The following PIK3R3 variants were observed in gnomAD, a reference collection of about 807,000 sequenced individuals.
PIK3R3 encodes the protein phosphoinositide-3-kinase regulatory subunit 3, also known as phosphatidylinositol 3-kinase regulatory subunit gamma.
Under a neutral mutation model 62.9 loss-of-function variants are expected in PIK3R3, and 64 were observed. That is an observed-to-expected ratio of 1.02 (90% CI 0.83 to 1.25). The LOEUF (loss-of-function observed/expected upper bound fraction) is 1.25, where lower values mean the gene tolerates loss of function less well. Among genes scored for constraint, PIK3R3 ranks in the 50% most tolerant of loss-of-function variants. The pLI is 0.00. For missense variants in PIK3R3, 614 were observed against 561.6 expected (o/e 1.09, Z -0.94); for synonymous variants, 165 against 189.0 (o/e 0.87, Z 1.04).
At chr1:46,150,138 C>A in the PIK3R3 span, among the ~76,000 whole-genome samples, 1 of 152,168 alleles carries the variant, frequency 6.6e-6, no homozygotes, top group Non-Finnish European at 1.5e-5. Context: ...ATTCCTGAAA[C>A]CCCCATCCCT....
At chr1:46,071,387 G>A (rs531543828) in intron 3 of PIK3R3, among the ~76,000 whole-genome samples, 4 of 151,722 alleles carry the variant, frequency 2.6e-5, no homozygotes, top group Admixed American at 6.6e-5. Flanking sequence ...TTTACCTTGC[G>A]GTTCTGGAGC....
intron 1 of PIK3R3, among the ~76,000 whole-genome samples, chr1:46,087,487 C>T (rs945403016): frequency 1.3e-5 from 2 of 152,004 alleles, no homozygotes; most frequent in Non-Finnish European, 2.9e-5. Flanking sequence ...AAGCATATAC[C>T]CCCAGTCAGG....
chr1:46,146,728 CA>C, the PIK3R3 span, among the ~76,000 whole-genome samples: 1 of 95,536 alleles, frequency 1.0e-5, no homozygotes, highest in African/African-American at 3.4e-5. Flanking sequence ...CACACACACA[CA>C]CACACACACA....
Position 46,074,767 on chromosome 1 carries a change from T to C in PIK3R3, c.314+2748A>G, listed in dbSNP as rs149553281. The stretch of plus-strand genomic sequence containing the variant: ...TAGGAGCTCAACGTCCCCAGCCTCA[T>C]CAGGGTCTTCCCACACATCCCCATC... On this transcript the variant is annotated intron_variant, in intron 3 of 9. Transcript: ENST00000262741. 3.5e-3 allele frequency among the ~76,000 whole-genome samples: 529 copies of C among 152,284 alleles called. 8 individuals are homozygous for C. Among genetic ancestry groups the C allele is most frequent in the East Asian group, 0.03 (154 of 5,192 alleles).
the PIK3R3 span, among the ~76,000 whole-genome samples, chr1:46,166,452 G>T: frequency 1.9e-4 from 29 of 151,430 alleles, no homozygotes; most frequent in East Asian, 3.0e-3. Flanking sequence ...CCAACTCCTG[G>T]CCTCAAGTGA....
intron 1 of PIK3R3, among the ~76,000 whole-genome samples, chr1:46,120,373 C>T (rs1204747655): frequency 1.3e-5 from 2 of 152,082 alleles, no homozygotes; most frequent in African/African-American, 2.4e-5. Flanking sequence ...GTCAAGAGAT[C>T]GAGACCATCC....
At position 46,043,821 on chromosome 1, in the gene PIK3R3, T is replaced by C. The variant is rs761096237; in HGVS notation, c.1238A>G (p.Tyr413Cys). The C allele has an allele frequency of 5.2e-5, 84 of 1,614,108 alleles. No individual in the cohort carries two copies. The highest frequency in any genetic ancestry group is 1.6e-4 in the Middle Eastern group (1 of 6,062). The change falls in exon 10 of 10, where the codon TAT (tyrosine) becomes TGT (cysteine). Residue 413 changes from tyrosine (Y) to cysteine (C), a missense_variant. Tyr to Cys is a radical substitution (Grantham distance 194). Transcript: ENST00000262741. The stretch of plus-strand genomic sequence containing the variant: ...CAGGTTGTAGGGCTCTGCAAAGCCA[T>C]AGCCCCGAGCAGTGCTGTAGATCAC... ...HCVIYSTARG[Y>C]GFAEPYNLYS...
chr1:46,173,566 A>G, the PIK3R3 span, among the ~76,000 whole-genome samples: 1 of 152,112 alleles, frequency 6.6e-6, no homozygotes, highest in Non-Finnish European at 1.5e-5. Flanking sequence ...CCACCAGGGA[A>G]CTCTGGCAGG....
chr1:46,095,295 C>T (rs1413696580), intron 1 of PIK3R3, among the ~76,000 whole-genome samples: 2 of 152,160 alleles, frequency 1.3e-5, no homozygotes. Context: ...GAATACTATG[C>T]AGCCATAAAA....
chr1:46,144,768 A>C, the PIK3R3 span, among the ~76,000 whole-genome samples: 1 of 99,876 alleles, frequency 1.0e-5, no homozygotes, highest in African/African-American at 3.3e-5. Context: ...CTCCATCTCA[A>C]AAAAAAAAAA....
chr1:46,085,622 TATAA>T (rs1650983805), intron 1 of PIK3R3, among the ~76,000 whole-genome samples: 2 of 152,354 alleles, frequency 1.3e-5, no homozygotes, highest in East Asian at 3.9e-4. Context: ...GTTGTGATAT[TATAA>T]ATAAAGGTAA....
chr1:46,125,749 G>A (rs1223398314), intron 1 of PIK3R3, among the ~76,000 whole-genome samples: 1 of 151,524 alleles, frequency 6.6e-6, no homozygotes, highest in Admixed American at 6.6e-5. Flanking sequence ...CTCAAAATGC[G>A]ATCTAGAGTT....
At chr1:46,135,206 G>T (rs139374425), upstream of PIK3R3, among the ~76,000 whole-genome samples, 8 of 152,178 alleles carry the variant, frequency 5.3e-5, no homozygotes, top group East Asian at 1.5e-3. Context: ...TGTTAGCTCG[G>T]GTGTCCTGGA....
the PIK3R3 span, among the ~76,000 whole-genome samples, chr1:46,145,946 C>A: frequency 0.018 from 2,726 of 151,982 alleles, 43 homozygotes; most frequent in Middle Eastern, 0.031. Context: ...GTGAGATAAG[C>A]GGAATACTTA....
the PIK3R3 span, among the ~76,000 whole-genome samples, chr1:46,163,177 A>T: frequency 7.9e-5 from 12 of 152,242 alleles, no homozygotes; most frequent in Admixed American, 2.0e-4. Flanking sequence ...CCTTCCCTCA[A>T]TTATCCACAG....
rs1426343284 is a variant in PIK3R3 at position 46,043,467 on chromosome 1, G to A, written c.*206C>T. On this transcript the variant is annotated 3_prime_UTR_variant, in exon 10 of 10. Transcript: ENST00000262741. ...CATCTGCTTCCAGCTTAGTATGTCA[G>A]TGCAGCGGCATGGCTGAGTCCTAGA... 3.5e-5 allele frequency: 20 copies of A among 574,512 alleles called. No homozygotes were observed. Among genetic ancestry groups the A allele is most frequent in the Non-Finnish European group, 6.2e-5 (20 of 320,368 alleles). 35.6% of individuals were successfully genotyped at this position (574,512 alleles called of 1,614,324 possible). A position where few individuals can be genotyped will look rare whatever the true frequency, so the allele number is the denominator to read the frequency against.
At chr1:46,155,792 G>T in the PIK3R3 span, among the ~76,000 whole-genome samples, 1 of 151,814 alleles carries the variant, frequency 6.6e-6, no homozygotes, top group African/African-American at 2.4e-5. Context: ...AATTGTTATG[G>T]GTACATCTAC....
chr1:46,066,849 A>C (rs1649037237), intron 4 of PIK3R3, 62 bp downstream of exon 4: 1 of 1,278,516 alleles, frequency 7.8e-7, no homozygotes, highest in African/African-American at 1.5e-5. Flanking sequence ...GGTAAATAAA[A>C]TCAAATAAGG....
At chr1:46,117,043 T>C (rs1047986230) in intron 1 of PIK3R3, among the ~76,000 whole-genome samples, 13 of 152,220 alleles carry the variant, frequency 8.5e-5, no homozygotes, top group Admixed American at 3.9e-4. Context: ...ATGAAACATG[T>C]ATGGCATGGC....
Sources: gnomAD v4.1 joint callset for allele counts (sites outside exome capture counted in the v4.1 genomes callset) on GRCh38, gnomAD v4.1.1 for gene constraint, MANE v1.5 for transcripts, NCBI Gene and HGNC (gene_info 2026-07-23, HGNC 2026-07-21) for gene names.